DNAH10: variants seen among roughly 807,000 people sequenced by gnomAD.
The protein encoded by DNAH10 is axonemal beta dynein heavy chain 10.
In DNAH10, 348 loss-of-function variants were observed where a neutral mutation model predicts 506.6. The ratio of observed to expected loss-of-function variants is 0.69; its 90% CI spans 0.63 to 0.75. The LOEUF (loss-of-function observed/expected upper bound fraction) is 0.75. Among genes scored for constraint, DNAH10 ranks in the 30% least tolerant of loss-of-function variants. The pLI is 0.00. For missense variants in DNAH10, 5,179 were observed against 5,787.1 expected (o/e 0.89, Z 3.41); for synonymous variants, 2,059 against 2,198.6 (o/e 0.94, Z 1.78).
At chr12:123,865,371 T>A (rs942601619) in intron 40 of DNAH10, among the ~76,000 whole-genome samples, 1 of 152,198 alleles carries the variant, frequency 6.6e-6, no homozygotes, top group Non-Finnish European at 1.5e-5. Context: ...ACTGCTCGTT[T>A]CATAGGTGTG....
At chr12:123,809,935 A>G (rs762242429) in intron 19 of DNAH10, among the ~76,000 whole-genome samples, 2 of 152,138 alleles carry the variant, frequency 1.3e-5, no homozygotes, top group Non-Finnish European at 2.9e-5. Flanking sequence ...CACCTGGAAC[A>G]TTCTGCTCCC....
At position 123,894,082 on chromosome 12, in the gene DNAH10, CTTTTTTTTTTTTTTT is replaced by C. The variant is rs558490981; in HGVS notation, c.9200-549_9200-535del. Among the ~76,000 whole-genome samples, 4 of 89,158 alleles carry C rather than the reference CTTTTTTTTTTTTTTT, an allele frequency of 4.5e-5. 1 individual carries two copies. The highest frequency in any genetic ancestry group is 1.7e-4 in the African/African-American group (4 of 23,178). The allele number at this position is 89,158 out of a possible 152,430, so 58.5% of individuals were successfully genotyped here. A position where few individuals can be genotyped will look rare whatever the true frequency, so the allele number is the denominator to read the frequency against. On this transcript the variant is annotated intron_variant, in intron 53 of 78. Transcript: ENST00000673944. ...GTCTCAGGGTTGCAGAATGAGCATCCTTTTTTTTTTTTTTTTTTTTTTTTTTGAGACAGAATCTCG... is the reference window on the plus strand; with the variant it reads ...GTCTCAGGGTTGCAGAATGAGCATCCTTTTTTTTTTTGAGACAGAATCTCG...
At chr12:123,929,787 G>A in intron 72 of DNAH10, 28 bp downstream of exon 72, 2 of 1,589,204 alleles carry the variant, frequency 1.3e-6, no homozygotes, top group East Asian at 2.3e-5. Flanking sequence ...TCCTTCCGCA[G>A]GTGCCTCTGG....
In DNAH10 at chr12:123,913,439, T is replaced by C; in HGVS notation, c.10352+124T>C. 2.0e-6 allele frequency: 2 copies of C among 1,018,014 alleles called. No individual in the cohort carries two copies. The highest frequency in any genetic ancestry group is 2.8e-6 in the Non-Finnish European group (2 of 717,376). 63.1% of individuals were successfully genotyped at this position (1,018,014 alleles called of 1,614,324 possible). On this transcript the variant is annotated intron_variant, in intron 60 of 78. Coordinates refer to ENST00000673944, the MANE Select transcript of DNAH10 (RefSeq NM_001372106.1). This position sits in a 1 kb window ranked among gnomAD's most constrained non-coding sequence, Gnocchi z 5.1. The stretch of plus-strand genomic sequence containing the variant: ...ATGTGAAAACCATGTGACCAGGTCT[T>C]ATGTTCCTATTATCATGTTTATGGC...
In DNAH10 at chr12:123,926,864, TC is replaced by T. The variant is rs1335085093; in HGVS notation, c.12105+47del. ...GAACAAGCTCTACGTTTAGGGGAGG[TC>T]CCTGGTGTCTGCTAAGAAGGAGCTA... On this transcript the variant is annotated intron_variant, in intron 69 of 78. Coordinates refer to ENST00000673944, the MANE Select transcript of DNAH10 (RefSeq NM_001372106.1). The surrounding 1 kb of genome is among the most constrained non-coding windows in gnomAD (Gnocchi z 4.1). The T allele has an allele frequency of 6.3e-7, 1 of 1,599,954 alleles. No individual in the cohort carries two copies. The highest frequency in any genetic ancestry group is 1.3e-5 in the African/African-American group (1 of 74,246).
At chr12:123,890,907 G>A (rs1278496089) in intron 52 of DNAH10, among the ~76,000 whole-genome samples, 1 of 152,166 alleles carries the variant, frequency 6.6e-6, no homozygotes, top group Non-Finnish European at 1.5e-5. Flanking sequence ...CTGGGCTTGT[G>A]GCATTAGGAG....
intron 36 of DNAH10, among the ~76,000 whole-genome samples, chr12:123,856,747 A>G (rs1160858726): frequency 6.8e-6 from 1 of 147,770 alleles, no homozygotes; most frequent in Non-Finnish European, 1.5e-5. Context: ...ATATTTATTT[A>G]CATATTAATA....
At chr12:123,869,493 A>C (rs1951940494) in intron 43 of DNAH10, among the ~76,000 whole-genome samples, 1 of 152,178 alleles carries the variant, frequency 6.6e-6, no homozygotes, top group African/African-American at 2.4e-5. Flanking sequence ...TCCTGGCTCC[A>C]AAGGAGCATT....
In DNAH10 at chr12:123,864,458, A is replaced by G. The variant is rs1008958535; in HGVS notation, c.6909-137A>G. The G allele has an allele frequency of 1.2e-5, 15 of 1,216,804 alleles. No individual in the cohort carries two copies. In the African/African-American group the frequency reaches 1.7e-4, roughly 14 times the overall value. 75.4% of individuals were successfully genotyped at this position (1,216,804 alleles called of 1,614,324 possible). On this transcript the variant is annotated intron_variant, in intron 39 of 78. Transcript: ENST00000673944. ...ACCATTTCAGTCAAACCTCTGGGCCAACTAGGGTGCTCTGTCTCAGATACT... is the reference window on the plus strand; with the variant it reads ...ACCATTTCAGTCAAACCTCTGGGCCGACTAGGGTGCTCTGTCTCAGATACT...
In DNAH10 at chr12:123,767,657, C is replaced by T; in HGVS notation, c.266C>T (p.Ser89Phe). ...GGAGAAGAGGAAGAAGAGACTTATTCTCAAAAAGTGGAGTCCGTGGATAAA... is the reference window on the plus strand; with the variant it reads ...GGAGAAGAGGAAGAAGAGACTTATTTTCAAAAAGTGGAGTCCGTGGATAAA... ...EEGEEEEETY[S>F]QKVESVDKVR... The change falls in exon 2 of 79, where the codon TCT becomes TTT. Residue 89 changes from serine (S) to phenylalanine (F), a missense_variant. Around this residue, in one of 3 missense-constraint regions of DNAH10, gnomAD observed 326 missense variants for 330.8 expected, o/e 0.99. Coordinates refer to ENST00000673944, the MANE Select transcript of DNAH10 (RefSeq NM_001372106.1). 2.5e-6 allele frequency: 4 copies of T among 1,612,612 alleles called. No homozygotes were observed. The highest frequency in any genetic ancestry group is 1.1e-5 in the South Asian group (1 of 90,606).
chr12:123,859,027 A>G, intron 37 of DNAH10, 123 bp from the exon 38 acceptor site: 3 of 894,382 alleles, frequency 3.4e-6, no homozygotes, highest in Non-Finnish European at 5.1e-6. Context: ...CTGTGAATAT[A>G]CTGGAAACCA....
At chr12:123,828,316 G>A (rs1261651779) in intron 25 of DNAH10, among the ~76,000 whole-genome samples, 2 of 152,162 alleles carry the variant, frequency 1.3e-5, no homozygotes, top group Non-Finnish European at 2.9e-5. Flanking sequence ...AAACACAAAA[G>A]GTGGCTTGCC....
At position 123,813,192 on chromosome 12, in the gene DNAH10, G is replaced by A. The variant is rs778320166; in HGVS notation, c.3173G>A (p.Cys1058Tyr). 6.2e-7 allele frequency: 1 copy of A among 1,610,416 alleles called. No individual in the cohort carries two copies. The highest frequency in any genetic ancestry group is 8.5e-7 in the Non-Finnish European group (1 of 1,177,824). ...KHFVRWMNGS[C>Y]IECPPQKGEE... ...TTTGTTCGTTGGATGAATGGCAGCT[G>A]CATAGAATGCCCACCTCAGAAGGGG... Residue 1058 changes from cysteine (C) to tyrosine (Y), a missense_variant, in exon 20 of 79, where the codon TGC becomes TAC. Cys to Tyr is a radical substitution (Grantham distance 194, BLOSUM62 -2). This residue lies in a region of DNAH10 where 4,844 missense variants were observed against 5,430.5 expected (regional missense o/e 0.89). Transcript: ENST00000673944.
intron 13 of DNAH10, 26 bp from the exon 14 acceptor site, chr12:123,799,220 T>C: frequency 6.3e-7 from 1 of 1,589,716 alleles, no homozygotes; most frequent in South Asian, 1.1e-5. Context: ...AAGGACAAAA[T>C]GACGGTTGCT....
At chr12:123,843,745 C>A (rs1400760964) in intron 30 of DNAH10, among the ~76,000 whole-genome samples, 1 of 152,090 alleles carries the variant, frequency 6.6e-6, no homozygotes, top group Non-Finnish European at 1.5e-5. Context: ...ACCCGGCTAA[C>A]TTTTGTATTT....
rs774732784 is a variant in DNAH10 at position 123,853,300 on chromosome 12, C to T, written c.6386C>T (p.Ser2129Leu). 1.2e-5 allele frequency: 20 copies of T among 1,612,166 alleles called. No homozygotes were observed. In the Middle Eastern group the frequency reaches 8.2e-4, roughly 66 times the overall value. Residue 2129 changes from serine to leucine, a missense_variant, in exon 36 of 79, where the codon TCG (serine) becomes TTG (leucine). Coordinates refer to ENST00000673944, the MANE Select transcript of DNAH10 (RefSeq NM_001372106.1). The surrounding 1 kb of genome is among the most constrained non-coding windows in gnomAD (Gnocchi z 4.7). Reference protein sequence around the residue: ...HYDFGLRALKSVLVMAGELKR... With the variant: ...HYDFGLRALKLVLVMAGELKR... ...GATTTTGGACTCAGAGCCCTGAAAT[C>T]GGTGCTGGTCATGGCTGGTGAGCTG...
Position 123,914,501 on chromosome 12 carries a change from C to T in DNAH10, c.10525C>T (p.Gln3509Ter), listed in dbSNP as rs866673280. The T allele has an allele frequency of 1.2e-6, 2 of 1,613,624 alleles. No individual in the cohort carries two copies. Among genetic ancestry groups the T allele is most frequent in the Non-Finnish European group, 1.7e-6 (2 of 1,179,908 alleles). Residue 3509 changes from glutamine (Q) to a stop codon, truncating the protein, a stop_gained, in exon 61 of 79, where the codon CAG becomes TAG. Transcript: ENST00000673944. LOFTEE classifies it high-confidence loss of function. ...DILEREIPLS[Q>*]PFRLESLLTD... ...CCTGGAGCGGGAGATCCCCCTGAGC[C>T]AGCCTTTCCGGCTGGAAAGCCTGCT...
Position 123,913,767 on chromosome 12 carries a change from A to T in DNAH10, c.10352+452A>T, listed in dbSNP as rs931488886. Among the ~76,000 whole-genome samples the T allele has an allele frequency of 6.6e-6, 1 of 152,180 alleles. No homozygotes were observed. Among genetic ancestry groups the T allele is most frequent in the Non-Finnish European group, 1.5e-5 (1 of 68,030 alleles). ...GGGCTGTTTGATATTTATGGGCAAG[A>T]CCGCTTGGCCACAGCTTATTCACCA... is the stretch of plus-strand genomic sequence containing the variant. On this transcript the variant is annotated intron_variant, in intron 60 of 78. Coordinates refer to ENST00000673944, the MANE Select transcript of DNAH10 (RefSeq NM_001372106.1). The surrounding 1 kb of genome is among the most constrained non-coding windows in gnomAD (Gnocchi z 5.1).
chr12:123,830,811 G>A (rs1960468284), intron 26 of DNAH10, 112 bp downstream of exon 26: 1 of 1,138,726 alleles, frequency 8.8e-7, no homozygotes, highest in Non-Finnish European at 1.2e-6. Flanking sequence ...TGAGCGTGGT[G>A]GTATGCCATT....
Sources: gnomAD v4.1 joint callset for allele counts (sites outside exome capture counted in the v4.1 genomes callset) on GRCh38, gnomAD v4.1.1 for gene constraint, gnomAD v4.1.1 regional missense constraint, Gnocchi (gnomAD v3.1) non-coding constraint, MANE v1.5 for transcripts, NCBI Gene and HGNC (gene_info 2026-07-23, HGNC 2026-07-21) for gene names.